Variants in DOCK10 observed in about 807,000 individuals in gnomAD.
The protein encoded by DOCK10 is dedicator of cytokinesis protein 10.
A neutral mutation model predicts 280.1 loss-of-function variants in DOCK10; 145 were observed. That is an observed-to-expected ratio of 0.52 (90% CI 0.45 to 0.59). DOCK10 has a LOEUF of 0.59. DOCK10 is among the 20% of genes least tolerant of loss of function. The pLI is 0.00. For synonymous variants in DOCK10, 915 were observed against 942.2 expected, an observed-to-expected ratio of 0.97 and a Z score of 0.53; for missense variants, 2,368 against 2,651.7, an observed-to-expected ratio of 0.89 and a Z score of 2.35.
intron 1 of DOCK10, among the ~76,000 whole-genome samples, chr2:225,000,348 G>A (rs1027235320): frequency 1.3e-5 from 2 of 152,102 alleles, no homozygotes; most frequent in South Asian, 2.1e-4. Context: ...GGAAAGAACC[G>A]CTGGGGATCT....
intron 1 of DOCK10, among the ~76,000 whole-genome samples, chr2:225,033,060 C>T (rs188170776): frequency 2.6e-5 from 4 of 152,298 alleles, no homozygotes; most frequent in East Asian, 1.9e-4. Flanking sequence ...ATTTAATTTA[C>T]ATTAAAGAGC....
At chr2:224,831,692 C>G (rs1169638687) in intron 26 of DOCK10, among the ~76,000 whole-genome samples, 1 of 152,196 alleles carries the variant, frequency 6.6e-6, no homozygotes, top group African/African-American at 2.4e-5. Context: ...TACGCCTGAG[C>G]TCTTTTGGAA....
At chr2:224,920,769 C>G (rs1701658765) in intron 2 of DOCK10, among the ~76,000 whole-genome samples, 1 of 151,802 alleles carries the variant, frequency 6.6e-6, no homozygotes, top group Non-Finnish European at 1.5e-5. Flanking sequence ...GCTTTCTTGA[C>G]TTTTTAAAAA....
intron 4 of DOCK10, among the ~76,000 whole-genome samples, chr2:224,893,859 C>G (rs1185887503): frequency 6.6e-6 from 1 of 152,166 alleles, no homozygotes; most frequent in East Asian, 1.9e-4. Context: ...TGATTTACTT[C>G]TATTAGCCTC....
At chr2:224,916,555 AAAAAAAAG>A (rs1575052261) in intron 3 of DOCK10, 132 bp downstream of exon 3, 4 of 570,392 alleles carry the variant, frequency 7.0e-6, no homozygotes, top group Non-Finnish European at 2.9e-6. Flanking sequence ...AAAAAAAAAA[AAAAAAAAG>A]ACATCCACTA....
intron 1 of DOCK10, among the ~76,000 whole-genome samples, chr2:224,992,667 C>T (rs542107216): frequency 6.6e-6 from 1 of 152,356 alleles, no homozygotes; most frequent in African/African-American, 2.4e-5. Flanking sequence ...CTGACAACTG[C>T]AGTTCCCAAG....
intron 3 of DOCK10, among the ~76,000 whole-genome samples, chr2:224,907,284 T>C (rs1172823840): frequency 1.3e-5 from 2 of 152,324 alleles, no homozygotes; most frequent in South Asian, 2.1e-4. Context: ...ATTTGCTGTA[T>C]GAGGGTAAGT....
intron 50 of DOCK10, among the ~76,000 whole-genome samples, chr2:224,780,445 A>T (rs1691244158): frequency 6.6e-6 from 1 of 152,216 alleles, no homozygotes; most frequent in Non-Finnish European, 1.5e-5. Context: ...TTGCAACTTC[A>T]ATTTCAAGTA....
chr2:225,010,998 C>A (rs1444753275), intron 1 of DOCK10, among the ~76,000 whole-genome samples: 4 of 152,146 alleles, frequency 2.6e-5, no homozygotes, highest in Non-Finnish European at 5.9e-5. Context: ...TAAAATATTT[C>A]AAGGTTTGGA....
At chr2:225,005,709 A>C (rs1689227231) in intron 1 of DOCK10, among the ~76,000 whole-genome samples, 1 of 152,230 alleles carries the variant, frequency 6.6e-6, no homozygotes, top group African/African-American at 2.4e-5. Flanking sequence ...TCTAAGCCCA[A>C]GCCCACTCGG....
intron 51 of DOCK10, among the ~76,000 whole-genome samples, chr2:224,776,111 G>C (rs116276159): frequency 0.018 from 2,712 of 151,822 alleles, 73 homozygotes; most frequent in African/African-American, 0.057. Flanking sequence ...AATTGCACTT[G>C]CTCTCCCTTG....
intron 1 of DOCK10, among the ~76,000 whole-genome samples, chr2:225,018,744 T>TAC (rs57091483): frequency 0.41 from 37,367 of 90,990 alleles, 14,361 homozygotes; most frequent in Middle Eastern, 0.54. Context: ...TATATATATA[T>TAC]ACACATACAC....
intron 1 of DOCK10, among the ~76,000 whole-genome samples, chr2:225,007,150 C>T (rs1267149015): frequency 1.3e-5 from 2 of 152,176 alleles, no homozygotes; most frequent in East Asian, 1.9e-4. Flanking sequence ...TTAGCAGGTA[C>T]TAGTGCAGAT....
At chr2:224,837,667 T>A in intron 25 of DOCK10, 95 bp downstream of exon 25, 1 of 1,031,426 alleles carries the variant, frequency 9.7e-7, no homozygotes, top group Non-Finnish European at 1.5e-6. Flanking sequence ...GCCACTCAGT[T>A]AAAGGGAGAA....
chr2:224,885,518 T>G (rs1333781825), intron 7 of DOCK10, among the ~76,000 whole-genome samples, 153 bp downstream of exon 7: 1 of 152,216 alleles, frequency 6.6e-6, no homozygotes, highest in African/African-American at 2.4e-5. Context: ...AAAGTAAGAT[T>G]TGTGAAAGTA....
Position 224,839,951 on chromosome 2 carries a change from T to C in DOCK10, c.2780+3A>G, listed in dbSNP as rs1432577904. 5.7e-6 allele frequency: 8 copies of C among 1,403,700 alleles called. No homozygotes were observed. Among genetic ancestry groups the C allele is most frequent in the Non-Finnish European group, 7.9e-6 (8 of 1,017,830 alleles). The allele number at this position is 1,403,700 out of a possible 1,614,324, so 87.0% of individuals were successfully genotyped here. A position where few individuals can be genotyped will look rare whatever the true frequency, so the allele number is the denominator to read the frequency against. On this transcript the variant is annotated splice_donor_region_variant and intron_variant, in intron 24 of 55. Coordinates refer to ENST00000258390, the MANE Select transcript of DOCK10 (RefSeq NM_014689.3). The stretch of plus-strand genomic sequence containing the variant: ...TCTCCTCTTAAGGTTGTGTTATGGA[T>C]ACCTGGTGACAGTTGTAGTTATTTC...
Position 224,770,763 on chromosome 2 carries a change from C to G in DOCK10, c.6205-118G>C. The G allele has an allele frequency of 1.4e-6, 1 of 694,190 alleles. No individual in the cohort carries two copies. Among genetic ancestry groups the G allele is most frequent in the South Asian group, 1.8e-5 (1 of 57,004 alleles). The allele number at this position is 694,190 out of a possible 1,614,324, so 43.0% of individuals were successfully genotyped here. Reference sequence around the variant, plus strand: ...GTACCCCCATCTCACACCCTGCCTTCTAGTCCACTCATTTGTATACCTGAC... The same window carrying G: ...GTACCCCCATCTCACACCCTGCCTTGTAGTCCACTCATTTGTATACCTGAC... On this transcript the variant is annotated intron_variant, in intron 53 of 55. Coordinates refer to ENST00000258390, the MANE Select transcript of DOCK10 (RefSeq NM_014689.3). This position sits in a 1 kb window ranked among gnomAD's most constrained non-coding sequence, Gnocchi z 4.5.
At chr2:224,906,116 T>TTA (rs1700619174) in intron 3 of DOCK10, among the ~76,000 whole-genome samples, 1 of 152,188 alleles carries the variant, frequency 6.6e-6, no homozygotes, top group Admixed American at 6.5e-5. Context: ...ATCTAGGTAA[T>TTA]AGCCCAAGCC....
In DOCK10 at chr2:224,789,056, G is replaced by C; in HGVS notation, c.5418+8C>G. ...TCGTTACTGTACATGAGATAATTTT[G>C]GTCTAACCTCATTGTATGGTGTATC... On this transcript the variant is annotated splice_region_variant and intron_variant, in intron 48 of 55. Coordinates refer to ENST00000258390, the MANE Select transcript of DOCK10 (RefSeq NM_014689.3). 1 of 1,567,186 alleles carries C rather than the reference G, an allele frequency of 6.4e-7. No individual in the cohort carries two copies. Among genetic ancestry groups the C allele is most frequent in the Non-Finnish European group, 8.8e-7 (1 of 1,138,434 alleles).
Sources: allele counts gnomAD v4.1 joint callset (sites outside exome capture counted in the v4.1 genomes callset), GRCh38; gene constraint gnomAD v4.1.1; non-coding constraint Gnocchi (gnomAD v3.1); transcripts MANE v1.5; gene names NCBI Gene and HGNC (gene_info 2026-07-23, HGNC 2026-07-21).